DPH6: variants seen among roughly 807,000 people sequenced by gnomAD.
The protein encoded by DPH6 is diphthamine biosynthesis 6, also known as diphthine--ammonia ligase.
Under a neutral mutation model 38.2 loss-of-function variants are expected in DPH6, and 33 were observed. The observed-to-expected ratio is 0.86, with a 90% CI of 0.65 to 1.15. The LOEUF (loss-of-function observed/expected upper bound fraction) is 1.15, where lower values mean the gene tolerates loss of function less well. Among genes scored for constraint, DPH6 ranks in the 50% most tolerant of loss-of-function variants. The probability of loss-of-function intolerance (pLI) is 0.00; values close to 1 mark genes in which losing one functional copy is unlikely to be tolerated. For synonymous variants in DPH6, 108 were observed against 103.0 expected, an observed-to-expected ratio of 1.05 and a Z score of -0.30; for missense variants, 325 against 320.0, an observed-to-expected ratio of 1.02 and a Z score of -0.12.
intron 3 of DPH6, among the ~76,000 whole-genome samples, chr15:35,527,541 G>A (rs1226806334): frequency 6.6e-6 from 1 of 152,088 alleles, no homozygotes; most frequent in African/African-American, 2.4e-5. Context: ...ACTAGACTAA[G>A]TACTACAAGA....
intron 1 of DPH6, 71 bp downstream of exon 1, chr15:35,546,048 G>A (rs1190511619): frequency 1.6e-6 from 2 of 1,277,914 alleles, no homozygotes; most frequent in African/African-American, 1.5e-5. Flanking sequence ...CCACTCTTTC[G>A]GCGCTAGCGG....
chr15:35,299,460 C>A, intron 3 of DPH6: 1 of 770,700 alleles, frequency 1.3e-6, no homozygotes. Context: ...GGTTTAATGC[C>A]GGCCCGCCCG....
At chr15:35,280,200 C>T (rs1204046255) in intron 3 of DPH6, among the ~76,000 whole-genome samples, 1 of 152,180 alleles carries the variant, frequency 6.6e-6, no homozygotes, top group Non-Finnish European at 1.5e-5. Context: ...ATTTTGGTTC[C>T]TGGGTCTAGT....
At chr15:35,418,393 C>T (rs1316440549) in intron 5 of DPH6, among the ~76,000 whole-genome samples, 1 of 151,950 alleles carries the variant, frequency 6.6e-6, no homozygotes, top group Non-Finnish European at 1.5e-5. Flanking sequence ...ATATTTTTGC[C>T]AAAGTGCAGA....
chr15:35,335,741 A>G lies in DPH6; in HGVS notation n.208-4664T>C, dbSNP rs548525014. Among the ~76,000 whole-genome samples, 4 of 152,270 alleles carry G rather than the reference A, an allele frequency of 2.6e-5. No individual in the cohort carries two copies. In the South Asian group the frequency reaches 6.2e-4, roughly 24 times the overall value. ...GTTCTCTGTTCGATTCCATTGGTCT[A>G]TGTGTCTGTTCTTGTACCAGTCCCA... On this transcript the variant is annotated intron_variant and non_coding_transcript_variant, in intron 3 of 3. Coordinates refer to the DPH6 transcript ENST00000558973.
chr15:35,198,137 G>GT, the DPH6 span, among the ~76,000 whole-genome samples: 15,760 of 146,936 alleles, frequency 0.11, 1,182 homozygotes, highest in East Asian at 0.31. Context: ...TACTCTAGTT[G>GT]TTTTTTTTTT....
At chr15:35,301,926 A>G (rs2052057059) in intron 3 of DPH6, among the ~76,000 whole-genome samples, 1 of 152,172 alleles carries the variant, frequency 6.6e-6, no homozygotes, top group South Asian at 2.1e-4. Context: ...GTGAGCTAAG[A>G]TAGTGCCACT....
rs371885633 is a variant in DPH6 at position 35,542,516 on chromosome 15, T to C, written c.24-9A>G. On this transcript the variant is annotated splice_polypyrimidine_tract_variant and intron_variant, in intron 1 of 8. Transcript: ENST00000256538. ...AGCTGTCCTTCCCACCACTAAACAA[T>C]AAATCAAGAGAGGGACAAATATCAT... is the stretch of plus-strand genomic sequence containing the variant. 6.2e-5 allele frequency: 96 copies of C among 1,540,506 alleles called. No individual in the cohort carries two copies. The highest frequency in any genetic ancestry group is 7.7e-5 in the Non-Finnish European group (87 of 1,124,894).
chr15:35,486,522 A>T (rs1251387214), intron 3 of DPH6, among the ~76,000 whole-genome samples: 1 of 151,928 alleles, frequency 6.6e-6, no homozygotes, highest in African/African-American at 2.4e-5. Flanking sequence ...CTTTTAAATC[A>T]TCAGATCTCA....
At chr15:35,438,544 C>T (rs1415076597) in intron 5 of DPH6, among the ~76,000 whole-genome samples, 1 of 152,198 alleles carries the variant, frequency 6.6e-6, no homozygotes, top group Admixed American at 6.5e-5. Flanking sequence ...CCTAGCCCTA[C>T]TCTTAAAGGG....
At chr15:35,513,021 G>A (rs1355257474) in intron 3 of DPH6, among the ~76,000 whole-genome samples, 1 of 151,926 alleles carries the variant, frequency 6.6e-6, no homozygotes, top group African/African-American at 2.4e-5. Context: ...AGAATATTAA[G>A]TAATCATTAA....
At chr15:35,243,437 A>G (rs1288190088) in intron 3 of DPH6, among the ~76,000 whole-genome samples, 10 of 142,924 alleles carry the variant, frequency 7.0e-5, no homozygotes, top group South Asian at 4.8e-4. Flanking sequence ...AAGCCATTGC[A>G]TCCCCTGTGA....
chr15:35,483,515 TAAACTC>T (rs137866942), intron 3 of DPH6, among the ~76,000 whole-genome samples: 98 of 149,154 alleles, frequency 6.6e-4, no homozygotes, highest in Non-Finnish European at 1.1e-3. Flanking sequence ...GATACCAATA[TAAACTC>T]ACTAGAATGT....
intron 3 of DPH6, chr15:35,237,152 T>C (rs1376954042): frequency 1.7e-6 from 1 of 602,514 alleles, no homozygotes; most frequent in Non-Finnish European, 2.9e-6. Context: ...TCTCCCAGTT[T>C]CCTTATTTAA....
chr15:35,387,400 G>C (rs1020194781), intron 6 of DPH6, among the ~76,000 whole-genome samples: 3 of 152,102 alleles, frequency 2.0e-5, no homozygotes, highest in African/African-American at 7.2e-5. Context: ...TAGCTTGATG[G>C]GGATGGCATT....
chr15:35,328,056 T>G (rs1450047169), downstream of DPH6, among the ~76,000 whole-genome samples: 4 of 152,148 alleles, frequency 2.6e-5, no homozygotes, highest in South Asian at 8.3e-4. Flanking sequence ...TCATCTTCAC[T>G]GCAACATGAA....
chr15:35,505,029 C>A (rs1368670922), intron 3 of DPH6, among the ~76,000 whole-genome samples: 2 of 152,086 alleles, frequency 1.3e-5, no homozygotes, highest in African/African-American at 4.8e-5. Flanking sequence ...ATAGTTTCCC[C>A]AGCTACATTA....
chr15:35,312,462 C>CA (rs1416200442), intron 3 of DPH6, among the ~76,000 whole-genome samples: 2 of 152,156 alleles, frequency 1.3e-5, no homozygotes, highest in African/African-American at 4.8e-5. Context: ...CAGAGATAAA[C>CA]AAGAGGCAGG....
chr15:35,316,680 A>C lies in DPH6; in HGVS notation n.200+56841T>G, dbSNP rs541253427. 1.1e-4 allele frequency among the ~76,000 whole-genome samples: 17 copies of C among 152,328 alleles called. No homozygotes were observed. The South Asian group carries it at 3.5e-3, about 32-fold the overall frequency. ...GGAGCAGAAGAGAAAAAAATAAGAC[A>C]GAACAATGTAAGTAATAAAGGCAAA... is the stretch of plus-strand genomic sequence containing the variant. On this transcript the variant is annotated intron_variant and non_coding_transcript_variant, in intron 3 of 3. Transcript: ENST00000560386.
Sources: allele counts gnomAD v4.1 joint callset (sites outside exome capture counted in the v4.1 genomes callset), GRCh38; gene constraint gnomAD v4.1.1; transcripts MANE v1.5; gene names NCBI Gene and HGNC (gene_info 2026-07-23, HGNC 2026-07-21).